Variants in RBFOX1 observed in about 807,000 individuals in gnomAD.
RBFOX1 encodes the protein RNA binding fox-1 homolog 1, also known as RNA binding protein fox-1 homolog 1.
In RBFOX1, 8 loss-of-function variants were observed where a neutral mutation model predicts 57.7. That is an observed-to-expected ratio of 0.14 (90% CI 0.08 to 0.25). The LOEUF is 0.25. RBFOX1 is among the 10% of genes least tolerant of loss of function. The pLI is 1.00. For missense variants in RBFOX1, 611 were observed against 548.5 expected, an observed-to-expected ratio of 1.11 and a Z score of -1.14; for synonymous variants, 326 against 222.4, an observed-to-expected ratio of 1.47 and a Z score of -4.15.
At chr16:5,273,752 T>C (rs1183468939) in intron 1 of RBFOX1, among the ~76,000 whole-genome samples, 8 of 152,114 alleles carry the variant, frequency 5.3e-5, no homozygotes, top group Admixed American at 5.2e-4. Context: ...GGTCTTGATA[T>C]AGCAGATGGC....
intron 9 of RBFOX1, among the ~76,000 whole-genome samples, chr16:7,599,494 T>C (rs1026636668): frequency 6.6e-6 from 1 of 152,222 alleles, no homozygotes; most frequent in Non-Finnish European, 1.5e-5. Context: ...TATAAATAAC[T>C]AGCCTTTCTG....
At chr16:6,947,515 A>T (rs1308162533) in intron 3 of RBFOX1, among the ~76,000 whole-genome samples, 1 of 152,178 alleles carries the variant, frequency 6.6e-6, no homozygotes, top group Non-Finnish European at 1.5e-5. Flanking sequence ...AGCGAAAAAG[A>T]GATGTGAGAT....
At chr16:7,449,288 T>G (rs963777999) in intron 4 of RBFOX1, among the ~76,000 whole-genome samples, 10 of 152,124 alleles carry the variant, frequency 6.6e-5, no homozygotes, top group Admixed American at 1.3e-4. Flanking sequence ...TAAAATAATG[T>G]CTCATTACAA....
At chr16:6,850,988 G>A (rs2094028871) in intron 3 of RBFOX1, among the ~76,000 whole-genome samples, 1 of 152,114 alleles carries the variant, frequency 6.6e-6, no homozygotes, top group South Asian at 2.1e-4. Flanking sequence ...TGTTTTCAGT[G>A]CATGAATGGT....
At position 7,134,566 on chromosome 16, in the gene RBFOX1, A is replaced by C. The variant is rs150990578; in HGVS notation, c.27+82468A>C. Among the ~76,000 whole-genome samples the C allele has an allele frequency of 4.1e-3, 618 of 152,032 alleles. 5 individuals are homozygous for C. The highest frequency in any genetic ancestry group is 0.014 in the African/African-American group (597 of 41,456). ...TTCACAGTTTCCAAATTGCTAGCCT[A>C]TTTTCTTAATTATATCATTGATTTC... On this transcript the variant is annotated intron_variant, in intron 4 of 15. Coordinates refer to ENST00000550418, the MANE Select transcript of RBFOX1 (RefSeq NM_018723.4).
At chr16:7,624,975 T>C (rs1214639713) in intron 10 of RBFOX1, among the ~76,000 whole-genome samples, 5 of 152,094 alleles carry the variant, frequency 3.3e-5, no homozygotes, top group African/African-American at 9.7e-5. Context: ...AGCTTCCCCA[T>C]ACAGAGACCG....
At chr16:5,723,580 CTG>C (rs1481927379) in intron 3 of RBFOX1, among the ~76,000 whole-genome samples, 1 of 151,952 alleles carries the variant, frequency 6.6e-6, no homozygotes, top group South Asian at 2.1e-4. Context: ...CCACAGGAAA[CTG>C]TGGATTAAAC....
chr16:5,873,668 C>T (rs1291749044), intron 4 of RBFOX1, among the ~76,000 whole-genome samples: 3 of 152,182 alleles, frequency 2.0e-5, no homozygotes, highest in Non-Finnish European at 4.4e-5. Flanking sequence ...TTCATTATAG[C>T]ATTATAGAAT....
chr16:6,773,015 T>TGTGTGTGTGC (rs1170555902), intron 3 of RBFOX1, among the ~76,000 whole-genome samples: 3 of 141,568 alleles, frequency 2.1e-5, no homozygotes, highest in Non-Finnish European at 4.6e-5. Flanking sequence ...TGTGTGTGTG[T>TGTGTGTGTGC]GTGATTGTAT....
At chr16:7,129,485 G>A (rs980730559) in intron 4 of RBFOX1, among the ~76,000 whole-genome samples, 2 of 152,102 alleles carry the variant, frequency 1.3e-5, no homozygotes, top group African/African-American at 4.8e-5. Context: ...GATATGGTAG[G>A]GGCAATTGGG....
At chr16:6,928,544 G>C (rs959062743) in intron 3 of RBFOX1, among the ~76,000 whole-genome samples, 10 of 152,036 alleles carry the variant, frequency 6.6e-5, no homozygotes, top group African/African-American at 2.4e-4. Context: ...TTTATCCAGG[G>C]TAACCTTGTT....
intron 4 of RBFOX1, among the ~76,000 whole-genome samples, chr16:7,491,212 A>G (rs1224218881): frequency 6.6e-6 from 1 of 152,074 alleles, no homozygotes; most frequent in African/African-American, 2.4e-5. Context: ...CTTTCCGGGC[A>G]TTGCCACATC....
At chr16:5,800,361 C>G (rs1240749354) in intron 3 of RBFOX1, among the ~76,000 whole-genome samples, 4 of 152,138 alleles carry the variant, frequency 2.6e-5, no homozygotes, top group Non-Finnish European at 5.9e-5. Flanking sequence ...AAAAGGAAGT[C>G]AAGAGCAAAC....
intron 3 of RBFOX1, among the ~76,000 whole-genome samples, chr16:6,717,321 T>A (rs941760401): frequency 2.0e-5 from 3 of 152,164 alleles, no homozygotes; most frequent in African/African-American, 7.2e-5. Context: ...CTTATCAGCT[T>A]TGTGATAAAT....
chr16:7,135,600 C>T (rs1394755248), intron 4 of RBFOX1, among the ~76,000 whole-genome samples: 3 of 152,222 alleles, frequency 2.0e-5, no homozygotes, highest in Non-Finnish European at 4.4e-5. Context: ...AATCTCTGAG[C>T]ATAAACTTTG....
At chr16:7,400,215 G>A (rs1260898415) in intron 4 of RBFOX1, among the ~76,000 whole-genome samples, 1 of 152,140 alleles carries the variant, frequency 6.6e-6, no homozygotes, top group Non-Finnish European at 1.5e-5. Context: ...ATCTCCTGGG[G>A]TTGTTAAAAT....
chr16:7,251,788 G>C (rs1284288496), intron 4 of RBFOX1, among the ~76,000 whole-genome samples: 1 of 152,172 alleles, frequency 6.6e-6, no homozygotes, highest in African/African-American at 2.4e-5. Flanking sequence ...TAATGCTGCA[G>C]TGAACCTGGG....
rs374255806 is a variant in RBFOX1, at chr16:6,652,453, G to GA, written c.-63-2140dup. Among the ~76,000 whole-genome samples, 670 of 145,666 alleles carry GA rather than the reference G, an allele frequency of 4.6e-3. 1 individual carries two copies. The highest frequency in any genetic ancestry group is 8.2e-3 in the African/African-American group (325 of 39,792). The stretch of plus-strand genomic sequence containing the variant: ...CAGAGCTAGACTCCATCTCAGGAAA[G>GA]AAAAAAAAAAGCCATGGGTCTGTCT... On this transcript the variant is annotated intron_variant, in intron 2 of 15. Coordinates refer to ENST00000550418, the MANE Select transcript of RBFOX1 (RefSeq NM_018723.4).
chr16:6,524,684 T>C (rs1188372165), intron 2 of RBFOX1, among the ~76,000 whole-genome samples: 1 of 152,168 alleles, frequency 6.6e-6, no homozygotes, highest in Non-Finnish European at 1.5e-5. Flanking sequence ...GAAATCAAGA[T>C]GTCTGCTGGG....
Sources: gnomAD v4.1 joint callset for allele counts (sites outside exome capture counted in the v4.1 genomes callset) on GRCh38, gnomAD v4.1.1 for gene constraint, MANE v1.5 for transcripts, NCBI Gene and HGNC (gene_info 2026-07-23, HGNC 2026-07-21) for gene names.